ANKRD6: variants seen among roughly 807,000 people sequenced by gnomAD.
The protein encoded by ANKRD6 is ankyrin repeat domain 6, also known as ankyrin repeat domain-containing protein 6.
In ANKRD6, 56 loss-of-function variants were observed where a neutral mutation model predicts 82.3. That is an observed-to-expected ratio of 0.68 (90% confidence interval 0.55 to 0.85). ANKRD6 has a LOEUF of 0.85. Ranked by LOEUF, ANKRD6 falls within the 40% of genes least tolerant of loss-of-function variation. The probability of loss-of-function intolerance (pLI) is 0.00; values close to 1 mark genes in which losing one functional copy is unlikely to be tolerated. For synonymous variants in ANKRD6, 347 were observed against 352.1 expected (o/e 0.99, Z 0.16); for missense variants, 852 against 907.6 (o/e 0.94, Z 0.79).
At chr6:89,498,096 G>A (rs2127871938) in intron 1 of ANKRD6, among the ~76,000 whole-genome samples, 1 of 152,202 alleles carries the variant, frequency 6.6e-6, no homozygotes, top group East Asian at 1.9e-4. Flanking sequence ...TTGAATTGTG[G>A]CAAATTTCAC....
chr6:89,629,445 A>G (rs1430583464), intron 15 of ANKRD6: 7 of 661,478 alleles, frequency 1.1e-5, no homozygotes, highest in African/African-American at 1.8e-5. Context: ...ATGTGCTCAA[A>G]CTTATTTGAA....
chr6:89,528,086 C>T (rs1382217877), intron 1 of ANKRD6, among the ~76,000 whole-genome samples: 1 of 152,236 alleles, frequency 6.6e-6, no homozygotes, highest in Non-Finnish European at 1.5e-5. Flanking sequence ...GCTGGGATTA[C>T]AGGCATGAGC....
intron 14 of ANKRD6, chr6:89,628,868 G>C: frequency 2.1e-6 from 1 of 483,782 alleles, no homozygotes; most frequent in Non-Finnish European, 3.7e-6. Flanking sequence ...TCACCCCCTT[G>C]ACACAAACAC....
chr6:89,460,230 T>A (rs1422748077), intron 1 of ANKRD6, among the ~76,000 whole-genome samples: 1 of 151,678 alleles, frequency 6.6e-6, no homozygotes, highest in African/African-American at 2.4e-5. Context: ...ATGTAGTTAT[T>A]ATAATATCAA....
At chr6:89,502,410 C>T in intron 1 of ANKRD6, among the ~76,000 whole-genome samples, 1 of 152,110 alleles carries the variant, frequency 6.6e-6, no homozygotes, top group East Asian at 1.9e-4. Context: ...CTTTGGGAGG[C>T]TGAAGCAGGT....
intron 2 of ANKRD6, among the ~76,000 whole-genome samples, chr6:89,590,423 A>C (rs182023961): frequency 1.4e-4 from 22 of 152,306 alleles, no homozygotes; most frequent in Admixed American, 1.4e-3. Context: ...CAGCGAGTTG[A>C]TGAGAGACTC....
At position 89,485,401 on chromosome 6, in the gene ANKRD6, T is replaced by C. The variant is rs1777252654; in HGVS notation, c.-144+52026T>C. Among the ~76,000 whole-genome samples, 5 of 152,142 alleles carry C rather than the reference T, an allele frequency of 3.3e-5. No homozygotes were observed. The South Asian group carries it at 1.0e-3, about 32-fold the overall frequency. On this transcript the variant is annotated intron_variant, in intron 1 of 15. Transcript: ENST00000339746. ...AAATCTCTACTGTAAGCACAGAAAATACTGATATGGCTCAAAAGCAGGTGC... is the reference window on the plus strand; with the variant it reads ...AAATCTCTACTGTAAGCACAGAAAACACTGATATGGCTCAAAAGCAGGTGC...
chr6:89,579,864 T>G (rs1357246788), intron 2 of ANKRD6, among the ~76,000 whole-genome samples: 1 of 151,798 alleles, frequency 6.6e-6, no homozygotes, highest in African/African-American at 2.4e-5. Flanking sequence ...AAGCTGATTC[T>G]AAAATTTATA....
intron 1 of ANKRD6, among the ~76,000 whole-genome samples, chr6:89,462,773 C>A (rs1774341156): frequency 6.6e-6 from 1 of 151,812 alleles, no homozygotes; most frequent in Non-Finnish European, 1.5e-5. Flanking sequence ...TCTTAAGTTA[C>A]TGGAGCTGTC....
intron 1 of ANKRD6, among the ~76,000 whole-genome samples, chr6:89,562,123 C>T (rs1159566945): frequency 6.6e-6 from 1 of 152,198 alleles, no homozygotes; most frequent in Non-Finnish European, 1.5e-5. Flanking sequence ...ATTTCTGTTG[C>T]TTCAACAAGT....
intron 5 of ANKRD6, among the ~76,000 whole-genome samples, chr6:89,609,462 C>T (rs1799647021): frequency 6.6e-6 from 1 of 151,914 alleles, no homozygotes; most frequent in Admixed American, 6.6e-5. Flanking sequence ...CCATCACGCT[C>T]AGCTAATTTT....
intron 1 of ANKRD6, among the ~76,000 whole-genome samples, chr6:89,454,505 G>GC (rs1327297957): frequency 2.6e-5 from 4 of 152,212 alleles, no homozygotes; most frequent in African/African-American, 4.8e-5. Context: ...GACTTGGAAA[G>GC]GAGTGATGTA....
At chr6:89,618,763 A>T (rs1172056824) in intron 9 of ANKRD6, among the ~76,000 whole-genome samples, 1 of 152,232 alleles carries the variant, frequency 6.6e-6, no homozygotes, top group Non-Finnish European at 1.5e-5. Flanking sequence ...TTATCCTATT[A>T]TAAAACAATG....
chr6:89,510,366 A>G (rs1353950519), intron 1 of ANKRD6, among the ~76,000 whole-genome samples: 4 of 151,982 alleles, frequency 2.6e-5, no homozygotes, highest in East Asian at 3.9e-4. Context: ...TGGCCACTTA[A>G]AAGTCTTTCC....
chr6:89,485,040 A>G (rs912496783), intron 1 of ANKRD6, among the ~76,000 whole-genome samples: 1 of 152,196 alleles, frequency 6.6e-6, no homozygotes, highest in African/African-American at 2.4e-5. Context: ...GTATGGGGGC[A>G]CTAATGGTTT....
chr6:89,515,882 A>G lies in ANKRD6; in HGVS notation c.-143-50952A>G, dbSNP rs1416023348. On this transcript the variant is annotated intron_variant, in intron 1 of 15. Transcript: ENST00000339746. Reference sequence around the variant, plus strand: ...TAAGAAAGACAGAGGGAAATTAGACAGAGACGCACGAAGAGAAGGTGAAGT... The same window carrying G: ...TAAGAAAGACAGAGGGAAATTAGACGGAGACGCACGAAGAGAAGGTGAAGT... Among the ~76,000 whole-genome samples, 4 of 152,372 alleles carry G rather than the reference A, an allele frequency of 2.6e-5. No individual in the cohort carries two copies. The East Asian group carries it at 7.7e-4, about 29-fold the overall frequency.
intron 1 of ANKRD6, among the ~76,000 whole-genome samples, chr6:89,472,593 T>C (rs1215916529): frequency 2.6e-5 from 4 of 152,218 alleles, no homozygotes; most frequent in African/African-American, 9.6e-5. Context: ...CATTAACCAC[T>C]AGCCTGAGTT....
intron 1 of ANKRD6, among the ~76,000 whole-genome samples, chr6:89,500,149 A>G (rs573313057): frequency 6.6e-6 from 1 of 151,556 alleles, no homozygotes; most frequent in Non-Finnish European, 1.5e-5. Context: ...TGATGCTTCT[A>G]GAGGAAGGAA....
chr6:89,543,876 G>A (rs1243680364), intron 1 of ANKRD6, among the ~76,000 whole-genome samples: 6 of 152,190 alleles, frequency 3.9e-5, no homozygotes, highest in African/African-American at 9.7e-5. Context: ...CTTGCTGTCC[G>A]TTATGACATT....
Sources: allele counts gnomAD v4.1 joint callset (sites outside exome capture counted in the v4.1 genomes callset), GRCh38; gene constraint gnomAD v4.1.1; transcripts MANE v1.5; gene names NCBI Gene and HGNC (gene_info 2026-07-23, HGNC 2026-07-21).